The following PRPS1L1 variants were observed in gnomAD, a reference collection of about 807,000 sequenced individuals.
PRPS1L1 encodes the protein phosphoribosyl pyrophosphate synthetase 1 like 1.
In PRPS1L1, 12 loss-of-function variants were observed where a neutral mutation model predicts 16.4. That is an observed-to-expected ratio of 0.73 (90% CI 0.47 to 1.19). PRPS1L1 has a LOEUF of 1.19. PRPS1L1 is among the 50% of genes most tolerant of loss of function. The pLI, the probability that PRPS1L1 is intolerant of heterozygous loss-of-function variation, is 0.00. For missense variants in PRPS1L1, 408 were observed against 395.8 expected, an observed-to-expected ratio of 1.03 and a Z score of -0.26; for synonymous variants, 153 against 142.5, an observed-to-expected ratio of 1.07 and a Z score of -0.53.
In PRPS1L1 at chr7:18,027,308, T is replaced by G. The variant is rs1266634924; in HGVS notation, c.475A>C (p.Ile159Leu). The change falls in exon 1 of 1, where the codon ATC becomes CTC. Residue 159 changes from isoleucine to leucine, a missense_variant. Ile to Leu is a conservative substitution (Grantham distance 5). Coordinates refer to ENST00000506618, the MANE Select transcript of PRPS1L1 (RefSeq NM_175886.3). ...ATAATGCAGTTCTTCCACTCAGGGA[T>G]ATTCTCCCTTATCCACTTCAGGACA... The G allele has an allele frequency of 6.2e-7, 1 of 1,614,204 alleles. No homozygotes were observed. Among genetic ancestry groups the G allele is most frequent in the African/African-American group, 1.3e-5 (1 of 75,054 alleles).
In PRPS1L1 at chr7:18,027,063, T is replaced by C. The variant is rs753571923; in HGVS notation, c.720A>G (p.Gly240=). 1.2e-6 allele frequency: 2 copies of C among 1,614,244 alleles called. No homozygotes were observed. Among genetic ancestry groups the C allele is most frequent in the Admixed American group, 1.7e-5 (1 of 60,032 alleles). The change falls in exon 1 of 1, where the codon GGA becomes GGG. Residue 240 remains glycine, a synonymous_variant. Coordinates refer to ENST00000506618, the MANE Select transcript of PRPS1L1 (RefSeq NM_175886.3). Reference sequence around the variant, plus strand: ...TCAAGATAGCATAAACTCTGGTTGCTCCAGCTGAGAGAAGTTTGTCAGCTG... The same window carrying C: ...TCAAGATAGCATAAACTCTGGTTGCCCCAGCTGAGAGAAGTTTGTCAGCTG...
rs1782199902 is a variant in PRPS1L1, at chr7:18,027,244, G to C, written c.539C>G (p.Ser180Cys). 6 of 1,614,154 alleles carry C rather than the reference G, an allele frequency of 3.7e-6. No individual in the cohort carries two copies. The highest frequency in any genetic ancestry group is 5.1e-6 in the Non-Finnish European group (6 of 1,180,026). The change falls in exon 1 of 1, where the codon TCC becomes TGC. Residue 180 changes from serine to cysteine, a missense_variant. Coordinates refer to ENST00000506618, the MANE Select transcript of PRPS1L1 (RefSeq NM_175886.3). ...GTCCACATTCAACTGGTCTGCAATG[G>C]AGGTCACTCTTTTAGCTCCACCAGC...
rs200225287 is a variant in PRPS1L1, at chr7:18,027,620, T to C, written c.163A>G (p.Ile55Val). 6.5e-4 allele frequency: 1,050 copies of C among 1,613,934 alleles called. No homozygotes were observed. The highest frequency in any genetic ancestry group is 8.2e-4 in the Non-Finnish European group (972 of 1,180,024). The change falls in exon 1 of 1, where the codon ATC becomes GTC. Residue 55 changes from isoleucine (I) to valine (V), a missense_variant. Physicochemically the swap from Ile to Val is conservative, Grantham distance 29. Transcript: ENST00000506618. ...ATTTCGCCACAACCACTCTGAACGA[T>C]GTAGACATCCTCTCCACGCACACTC...
rs1469098559 is a variant in PRPS1L1 at position 18,027,804 on chromosome 7, C to T, written c.-22G>A. 4.3e-6 allele frequency: 7 copies of T among 1,609,416 alleles called. No individual in the cohort carries two copies. The South Asian group carries it at 5.5e-5, about 13-fold the overall frequency. On this transcript the variant is annotated 5_prime_UTR_variant, in exon 1 of 1. It adds an upstream start codon to the 5' untranslated region. Coordinates refer to ENST00000506618, the MANE Select transcript of PRPS1L1 (RefSeq NM_175886.3). ...GCGTCTTGGCCAACTACCAGAGGCA[C>T]TCCGTCGAGCGATCCAGCTGCCGCT...
In PRPS1L1 at chr7:18,027,143, G is replaced by C; in HGVS notation, c.640C>G (p.Arg214Gly). The C allele has an allele frequency of 8.1e-6, 13 of 1,614,202 alleles. No individual in the cohort carries two copies. The highest frequency in any genetic ancestry group is 1.1e-5 in the Non-Finnish European group (13 of 1,180,036). Reference sequence around the variant, plus strand: ...ATGTCATCTACAAGGATAGCCACACGATCATTCACATCTCCCACTAGCACT... The same window carrying C: ...ATGTCATCTACAAGGATAGCCACACCATCATTCACATCTCCCACTAGCACT... The change falls in exon 1 of 1, where the codon CGT (arginine) becomes GGT (glycine). Residue 214 changes from arginine (R) to glycine (G), a missense_variant. Arg to Gly is a moderately radical substitution (Grantham distance 125). Transcript: ENST00000506618.
chr7:18,027,814 C>G lies in PRPS1L1; in HGVS notation c.-32G>C, dbSNP rs117301799. On this transcript the variant is annotated 5_prime_UTR_variant, in exon 1 of 1. Transcript: ENST00000506618. ...CAACTACCAGAGGCACTCCGTCGAG[C>G]GATCCAGCTGCCGCTGAGGCTGGAA... 11 of 1,601,490 alleles carry G rather than the reference C, an allele frequency of 6.9e-6. No homozygotes were observed. The highest frequency in any genetic ancestry group is 1.3e-5 in the African/African-American group (1 of 74,492).
chr7:18,027,291 G>C lies in PRPS1L1; in HGVS notation c.492C>G (p.Asn164Lys), dbSNP rs1318628378. Reference sequence around the variant, plus strand: ...CAGCATCTGGCGAGACAATAATGCAGTTCTTCCACTCAGGGATATTCTCCC... The same window carrying C: ...CAGCATCTGGCGAGACAATAATGCACTTCTTCCACTCAGGGATATTCTCCC... Residue 164 changes from asparagine (N) to lysine (K), a missense_variant, in exon 1 of 1, where the codon AAC (asparagine) becomes AAG (lysine). By Grantham distance (94) the Asn-to-Lys change is moderately conservative. Transcript: ENST00000506618. 6.2e-7 allele frequency: 1 copy of C among 1,614,208 alleles called. No individual in the cohort carries two copies. Among genetic ancestry groups the C allele is most frequent in the South Asian group, 1.1e-5 (1 of 91,082 alleles).
chr7:18,027,141 A>G lies in PRPS1L1; in HGVS notation c.642T>C (p.Arg214=), dbSNP rs945622435. The G allele has an allele frequency of 9.3e-6, 15 of 1,614,260 alleles. No individual in the cohort carries two copies. Among genetic ancestry groups the G allele is most frequent in the East Asian group, 2.2e-5 (1 of 44,890 alleles). The change falls in exon 1 of 1, where the codon CGT becomes CGC. Residue 214 remains arginine (R), a synonymous_variant. Coordinates refer to ENST00000506618, the MANE Select transcript of PRPS1L1 (RefSeq NM_175886.3). ...CCATGTCATCTACAAGGATAGCCAC[A>G]CGATCATTCACATCTCCCACTAGCA...
chr7:18,027,841 G>A lies in PRPS1L1; in HGVS notation c.-59C>T. 2 of 1,525,694 alleles carry A rather than the reference G, an allele frequency of 1.3e-6. No homozygotes were observed. Among genetic ancestry groups the A allele is most frequent in the Middle Eastern group, 1.7e-4 (1 of 5,884 alleles). The allele number at this position is 1,525,694 out of a possible 1,614,324, so 94.5% of individuals were successfully genotyped here. A position where few individuals can be genotyped will look rare whatever the true frequency, so the allele number is the denominator to read the frequency against. Reference sequence around the variant, plus strand: ...ATCCAGCTGCCGCTGAGGCTGGAACGGAAGTGAAGCACAGACTCTAATGGC... The same window carrying A: ...ATCCAGCTGCCGCTGAGGCTGGAACAGAAGTGAAGCACAGACTCTAATGGC... On this transcript the variant is annotated 5_prime_UTR_variant, in exon 1 of 1. Transcript: ENST00000506618.
rs1266268113 is a variant in PRPS1L1 at position 18,027,532 on chromosome 7, C to G, written c.251G>C (p.Arg84Pro). 2 of 1,614,014 alleles carry G rather than the reference C, an allele frequency of 1.2e-6. No individual in the cohort carries two copies. The highest frequency in any genetic ancestry group is 2.7e-5 in the African/African-American group (2 of 74,900). ...GAAGCATGGGATGACTGCAGTAACT[C>G]GGCTAGCTGAAGCAATCTTGCAGGC... Residue 84 changes from arginine (R) to proline (P), a missense_variant, in exon 1 of 1, where the codon CGA becomes CCA. Coordinates refer to ENST00000506618, the MANE Select transcript of PRPS1L1 (RefSeq NM_175886.3).
rs1160593945 is a variant in PRPS1L1 at position 18,026,989 on chromosome 7, C to T, written c.794G>A (p.Cys265Tyr). ...ATTGGTGACTACCACTGCTTCAAAG[C>T]ATGCAGTGTTGATGCGAGAAATGGC... Residue 265 changes from cysteine to tyrosine, a missense_variant, in exon 1 of 1, where the codon TGC becomes TAC. By Grantham distance (194) the Cys-to-Tyr change is radical. Transcript: ENST00000506618. 1 of 1,614,158 alleles carries T rather than the reference C, an allele frequency of 6.2e-7. No individual in the cohort carries two copies. The highest frequency in any genetic ancestry group is 8.5e-7 in the Non-Finnish European group (1 of 1,180,008).
At position 18,026,874 on chromosome 7, in the gene PRPS1L1, AG is replaced by A; in HGVS notation, c.908del (p.Thr303IlefsTer30). 6.2e-7 allele frequency: 1 copy of A among 1,612,904 alleles called. No individual in the cohort carries two copies. The highest frequency in any genetic ancestry group is 8.5e-7 in the Non-Finnish European group (1 of 1,179,288). ...GGTAGGAAACAGATTCCCCATTATG[AG>A]TTCTCCTTATGGCTTCTGCAAGGAT... On this transcript the variant is annotated frameshift_variant, in exon 1 of 1. Coordinates refer to ENST00000506618, the MANE Select transcript of PRPS1L1 (RefSeq NM_175886.3). LOFTEE classifies it high-confidence loss of function.
At position 18,027,204 on chromosome 7, in the gene PRPS1L1, A is replaced by T. The variant is rs1356191771; in HGVS notation, c.579T>A (p.His193Gln). The change falls in exon 1 of 1, where the codon CAT (histidine) becomes CAA (glutamine). Residue 193 changes from histidine to glutamine, a missense_variant. His to Gln is a conservative substitution (Grantham distance 24, BLOSUM62 0). Coordinates refer to ENST00000506618, the MANE Select transcript of PRPS1L1 (RefSeq NM_175886.3). Reference sequence around the variant, plus strand: ...CTTCATTGGCCTTCTTCCGTTCTTTATGAATCAAAGCAAAGTCCACATTCA... The same window carrying T: ...CTTCATTGGCCTTCTTCCGTTCTTTTTGAATCAAAGCAAAGTCCACATTCA... The T allele has an allele frequency of 3.7e-6, 6 of 1,614,236 alleles. No homozygotes were observed. In the South Asian group the frequency reaches 5.5e-5, roughly 15 times the overall value.
In PRPS1L1 at chr7:18,027,696, C is replaced by G. The variant is rs560254096; in HGVS notation, c.87G>C (p.Lys29Asn). 4.3e-6 allele frequency: 7 copies of G among 1,614,110 alleles called. No individual in the cohort carries two copies. The East Asian group carries it at 1.3e-4, about 31-fold the overall frequency. ...GGTTGCTGAATTTCTTAGTCACCAC[C>G]TTGCCTAGCTCCAGGCCCAGGCGGT... is the stretch of plus-strand genomic sequence containing the variant. Residue 29 changes from lysine (K) to asparagine (N), a missense_variant, in exon 1 of 1, where the codon AAG becomes AAC. Transcript: ENST00000506618.
At position 18,026,939 on chromosome 7, in the gene PRPS1L1, T is replaced by C; in HGVS notation, c.844A>G (p.Lys282Glu). The stretch of plus-strand genomic sequence containing the variant: ...ATTACTCGTATTTTGGAGCAATGCT[T>C]CATCTTCTCATCTTGAGGTATGGTA... The change falls in exon 1 of 1, where the codon AAG becomes GAG. Residue 282 changes from lysine to glutamate, a missense_variant. Physicochemically the swap from Lys to Glu is moderately conservative, Grantham distance 56. Transcript: ENST00000506618. 6.2e-7 allele frequency: 1 copy of C among 1,614,200 alleles called. No homozygotes were observed. The highest frequency in any genetic ancestry group is 1.7e-5 in the Admixed American group (1 of 60,028).
rs1169327133 is a variant in PRPS1L1 at position 18,027,777 on chromosome 7, C to T, written c.6G>A (p.Pro2=). 2.5e-6 allele frequency: 4 copies of T among 1,614,060 alleles called. No individual in the cohort carries two copies. Among genetic ancestry groups the T allele is most frequent in the African/African-American group, 2.7e-5 (2 of 75,016 alleles). The change falls in exon 1 of 1, where the codon CCG becomes CCA. Residue 2 remains proline (P), a synonymous_variant. Transcript: ENST00000506618. ...AGCTGCCGCTGAAGATTTTGATATT[C>T]GGCGTCTTGGCCAACTACCAGAGGC...
Position 18,027,809 on chromosome 7 carries a change from T to G in PRPS1L1, c.-27A>C. 6.2e-7 allele frequency: 1 copy of G among 1,607,454 alleles called. No homozygotes were observed. Among genetic ancestry groups the G allele is most frequent in the Non-Finnish European group, 8.5e-7 (1 of 1,174,166 alleles). On this transcript the variant is annotated 5_prime_UTR_variant, in exon 1 of 1. Transcript: ENST00000506618. ...TTGGCCAACTACCAGAGGCACTCCG[T>G]CGAGCGATCCAGCTGCCGCTGAGGC... is the stretch of plus-strand genomic sequence containing the variant.
rs1281270357 is a variant in PRPS1L1 at position 18,027,026 on chromosome 7, A to G, written c.757T>C (p.Phe253Leu). ...ATGCGAGAAATGGCTGGGCCAGAAA[A>G]GATTCCATGAGTCAAGATAGCATAA... Residue 253 changes from phenylalanine (F) to leucine (L), a missense_variant, in exon 1 of 1, where the codon TTT becomes CTT. Phe to Leu is a conservative substitution (Grantham distance 22). Transcript: ENST00000506618. 1 of 1,614,186 alleles carries G rather than the reference A, an allele frequency of 6.2e-7. No individual in the cohort carries two copies.
chr7:18,027,427 G>A lies in PRPS1L1; in HGVS notation c.356C>T (p.Ala119Val). 1 of 1,614,184 alleles carries A rather than the reference G, an allele frequency of 6.2e-7. No homozygotes were observed. The highest frequency in any genetic ancestry group is 8.5e-7 in the Non-Finnish European group (1 of 1,180,026). The change falls in exon 1 of 1, where the codon GCA (alanine) becomes GTA (valine). Residue 119 changes from alanine to valine, a missense_variant. By Grantham distance (64) the Ala-to-Val change is moderately conservative. Coordinates refer to ENST00000506618, the MANE Select transcript of PRPS1L1 (RefSeq NM_175886.3). The stretch of plus-strand genomic sequence containing the variant: ...CATGGTGATGATATGATCCGCACCT[G>A]CTATAGAGAGCATATTTGCAACAAG...
Sources: gnomAD v4.1 joint callset for allele counts on GRCh38, gnomAD v4.1.1 for gene constraint, MANE v1.5 for transcripts, NCBI Gene and HGNC (gene_info 2026-07-23, HGNC 2026-07-21) for gene names.